Variants in DYNC2I2 observed in about 807,000 individuals in gnomAD.
The protein encoded by DYNC2I2 is dynein 2 intermediate chain 2.
Under a neutral mutation model 52.0 loss-of-function variants are expected in DYNC2I2, and 39 were observed. The ratio of observed to expected loss-of-function variants is 0.75; its 90% CI spans 0.58 to 0.98. DYNC2I2 has a LOEUF of 0.98. Ranked by LOEUF, DYNC2I2 falls within the 50% of genes least tolerant of loss-of-function variation. DYNC2I2 has a pLI of 0.00. For missense variants in DYNC2I2, 743 were observed against 728.4 expected (o/e 1.02, Z -0.23); for synonymous variants, 359 against 321.1 (o/e 1.12, Z -1.26).
At chr9:128,635,550 G>A (rs547855456) in intron 5 of DYNC2I2, 108 bp downstream of exon 5, 6 of 1,018,008 alleles carry the variant, frequency 5.9e-6, no homozygotes, top group African/African-American at 4.8e-5. Context: ...GAGAATGCAG[G>A]AGGCAGCTGT....
chr9:128,647,326 C>G (rs1291696114), intron 1 of DYNC2I2, among the ~76,000 whole-genome samples: 1 of 152,222 alleles, frequency 6.6e-6, no homozygotes, highest in South Asian at 2.1e-4. Context: ...AAGCCGCCCC[C>G]GGGGGAAGTC....
chr9:128,656,801 G>A lies in DYNC2I2; in HGVS notation c.-75C>T, dbSNP rs184812681. 1,312 of 1,303,756 alleles carry A rather than the reference G, an allele frequency of 1.0e-3. 1 individual carries two copies. Among genetic ancestry groups the A allele is most frequent in the Admixed American group, 3.4e-3 (82 of 23,968 alleles). 80.8% of individuals were successfully genotyped at this position (1,303,756 alleles called of 1,614,324 possible). A position where few individuals can be genotyped will look rare whatever the true frequency, so the allele number is the denominator to read the frequency against. ...CCCTACGCCGCCATGAGCGGAAAACGGGGAATGTGAGGCTGACGGCGCCAT... is the reference window on the plus strand; with the variant it reads ...CCCTACGCCGCCATGAGCGGAAAACAGGGAATGTGAGGCTGACGGCGCCAT... On this transcript the variant is annotated 5_prime_UTR_variant, in exon 1 of 9. Coordinates refer to ENST00000372715, the MANE Select transcript of DYNC2I2 (RefSeq NM_052844.4).
At chr9:128,682,715 G>T in the DYNC2I2 span, among the ~76,000 whole-genome samples, 15 of 134,802 alleles carry the variant, frequency 1.1e-4, no homozygotes, top group Non-Finnish European at 3.1e-5. Context: ...TCGCTCTGTC[G>T]CCCAGGCTGG....
intron 1 of DYNC2I2, among the ~76,000 whole-genome samples, chr9:128,655,405 G>C (rs1860799704): frequency 7.0e-6 from 1 of 143,448 alleles, no homozygotes; most frequent in African/African-American, 2.5e-5. Flanking sequence ...CAGCTACTAG[G>C]GAGGCTGAGG....
chr9:128,663,323 G>A, the DYNC2I2 span: 1 of 152,124 alleles, frequency 6.6e-6, no homozygotes, highest in Non-Finnish European at 1.5e-5. Flanking sequence ...CTCTTCTTCT[G>A]CTGCAGTGTA....
intron 1 of DYNC2I2, among the ~76,000 whole-genome samples, chr9:128,652,918 CAA>C (rs759120754): frequency 1.5e-5 from 2 of 133,362 alleles, no homozygotes; most frequent in Non-Finnish European, 1.6e-5. Context: ...AACTCCGTCT[CAA>C]AAAAAAAAAA....
chr9:128,654,524 AACAG>A (rs1489192043), intron 1 of DYNC2I2, among the ~76,000 whole-genome samples: 1 of 151,736 alleles, frequency 6.6e-6, no homozygotes, highest in Non-Finnish European at 1.5e-5. Context: ...TGCCTCCTCA[AACAG>A]ACAGATTTGC....
At chr9:128,636,523 C>A in intron 3 of DYNC2I2, 85 bp from the exon 4 acceptor site, 9 of 1,464,766 alleles carry the variant, frequency 6.1e-6, no homozygotes, top group Non-Finnish European at 7.3e-6. Context: ...TAGCCCCGGA[C>A]ACACTCGCTG....
chr9:128,636,859 A>T, intron 3 of DYNC2I2, 59 bp downstream of exon 3: 1 of 1,317,890 alleles, frequency 7.6e-7, no homozygotes, highest in Non-Finnish European at 1.1e-6. Flanking sequence ...TACAGAGACA[A>T]GGCCCAAGGA....
chr9:128,676,264 T>C, the DYNC2I2 span, among the ~76,000 whole-genome samples: 1 of 151,976 alleles, frequency 6.6e-6, no homozygotes, highest in African/African-American at 2.4e-5. Context: ...CCAAGGTGGG[T>C]GGATCATCTG....
At chr9:128,635,994 G>A in intron 4 of DYNC2I2, 2 of 676,056 alleles carry the variant, frequency 3.0e-6, no homozygotes, top group Non-Finnish European at 5.2e-6. Context: ...GCTCCCTCCA[G>A]CGTTGCCTGC....
the DYNC2I2 span, among the ~76,000 whole-genome samples, chr9:128,678,926 G>A: frequency 2.0e-5 from 3 of 152,010 alleles, no homozygotes; most frequent in East Asian, 2.0e-4. Context: ...AAAATTAGCC[G>A]GGCGTGGTGG....
chr9:128,668,323 A>G, the DYNC2I2 span, among the ~76,000 whole-genome samples: 54 of 138,888 alleles, frequency 3.9e-4, no homozygotes, highest in Non-Finnish European at 6.9e-4. Flanking sequence ...GATTACAGGC[A>G]TGAGCCACTG....
intron 2 of DYNC2I2, among the ~76,000 whole-genome samples, chr9:128,638,542 A>C (rs1860455384): frequency 6.6e-6 from 1 of 152,106 alleles, no homozygotes; most frequent in African/African-American, 2.4e-5. Flanking sequence ...TTTTGTAAAA[A>C]AATAAAAAAG....
chr9:128,673,105 T>C, the DYNC2I2 span, among the ~76,000 whole-genome samples: 1 of 152,342 alleles, frequency 6.6e-6, no homozygotes, highest in East Asian at 1.9e-4. Flanking sequence ...AACAATCATG[T>C]ATATGTGCCA....
chr9:128,676,724 G>A, the DYNC2I2 span, among the ~76,000 whole-genome samples: 3 of 151,930 alleles, frequency 2.0e-5, no homozygotes, highest in Non-Finnish European at 4.4e-5. Context: ...GTAGAGACAC[G>A]GTTTTGCCAT....
At chr9:128,673,922 C>A in the DYNC2I2 span, among the ~76,000 whole-genome samples, 1 of 151,120 alleles carries the variant, frequency 6.6e-6, no homozygotes, top group East Asian at 2.0e-4. Flanking sequence ...AATTCTCCTG[C>A]CTCACCCTCC....
At chr9:128,638,420 G>A (rs908446071) in intron 2 of DYNC2I2, among the ~76,000 whole-genome samples, 8 of 152,012 alleles carry the variant, frequency 5.3e-5, no homozygotes, top group Non-Finnish European at 8.8e-5. Context: ...AGGAGGCTGA[G>A]GCAGCAGAAT....
chr9:128,678,712 T>G, the DYNC2I2 span, among the ~76,000 whole-genome samples: 2 of 151,778 alleles, frequency 1.3e-5, no homozygotes, highest in South Asian at 4.2e-4. Flanking sequence ...TCCACCTGCC[T>G]CAGCCTCCCA....
Sources: allele counts gnomAD v4.1 joint callset (sites outside exome capture counted in the v4.1 genomes callset), GRCh38; gene constraint gnomAD v4.1.1; transcripts MANE v1.5; gene names NCBI Gene and HGNC (gene_info 2026-07-23, HGNC 2026-07-21).